ASTN2: variants seen among roughly 807,000 people sequenced by gnomAD.
ASTN2 encodes the protein astrotactin 2, also known as astrotactin-2.
Under a neutral mutation model 139.8 loss-of-function variants are expected in ASTN2, and 54 were observed. The observed-to-expected ratio is 0.39, with a 90% CI of 0.31 to 0.48. ASTN2 has a LOEUF of 0.48. Among genes scored for constraint, ASTN2 ranks in the 20% least tolerant of loss-of-function variants. The probability of loss-of-function intolerance (pLI) is 0.95; values close to 1 mark genes in which losing one functional copy is unlikely to be tolerated. For synonymous variants in ASTN2, 756 were observed against 719.5 expected (o/e 1.05, Z -0.81); for missense variants, 1,565 against 1,725.1 (o/e 0.91, Z 1.64).
Position 117,060,846 on chromosome 9 carries a change from G to C in ASTN2, c.1277-20881C>G, listed in dbSNP as rs574601908. Among the ~76,000 whole-genome samples the C allele has an allele frequency of 8.5e-5, 13 of 152,186 alleles. No homozygotes were observed. The South Asian group carries it at 2.7e-3, about 32-fold the overall frequency. ...GGAGGTGGAGCTTGCAGTGAGCCAA[G>C]ATTGTGCCACTGCACTCCAGACTGG... On this transcript the variant is annotated intron_variant, in intron 5 of 22. Transcript: ENST00000313400.
chr9:116,428,350 C>T lies in ASTN2; in HGVS notation c.3783-2262G>A, dbSNP rs1430207960. Among the ~76,000 whole-genome samples, 4 of 152,036 alleles carry T rather than the reference C, an allele frequency of 2.6e-5. 1 individual carries two copies. The highest frequency in any genetic ancestry group is 4.8e-5 in the African/African-American group (2 of 41,422). Reference sequence around the variant, plus strand: ...AGCAGCCTGGCCAACATACTGAAACCCTGTCTTTACTAAAAATACAAAATT... The same window carrying T: ...AGCAGCCTGGCCAACATACTGAAACTCTGTCTTTACTAAAAATACAAAATT... On this transcript the variant is annotated intron_variant, in intron 22 of 22. Coordinates refer to ENST00000313400, the MANE Select transcript of ASTN2 (RefSeq NM_001365068.1).
In ASTN2 at chr9:117,360,739, C is replaced by G. The variant is rs763691855; in HGVS notation, c.442+53758G>C. 8.8e-4 allele frequency among the ~76,000 whole-genome samples: 134 copies of G among 151,854 alleles called. No homozygotes were observed. In the Middle Eastern group the frequency reaches 0.014, roughly 15 times the overall value. ...AAGGCCTGGCTTTACTAGTGGCACT[C>G]TGTGTGACTATGGACAAGGACCTTC... On this transcript the variant is annotated intron_variant, in intron 1 of 22. Coordinates refer to ENST00000313400, the MANE Select transcript of ASTN2 (RefSeq NM_001365068.1).
At chr9:116,884,902 G>A (rs1312079151) in intron 10 of ASTN2, among the ~76,000 whole-genome samples, 2 of 144,496 alleles carry the variant, frequency 1.4e-5, no homozygotes, top group Non-Finnish European at 3.0e-5. Flanking sequence ...TGCAAGCTCC[G>A]CCTCCTGGGT....
chr9:116,575,759 T>C (rs964399064), intron 19 of ASTN2, among the ~76,000 whole-genome samples: 3 of 152,158 alleles, frequency 2.0e-5, no homozygotes, highest in Non-Finnish European at 4.4e-5. Flanking sequence ...ATATTGACTG[T>C]GTGCCTCTCC....
chr9:116,632,154 G>GAGAGAGAGAGAC (rs1856784381), intron 17 of ASTN2, among the ~76,000 whole-genome samples: 1 of 65,580 alleles, frequency 1.5e-5, no homozygotes, highest in Non-Finnish European at 2.8e-5. Flanking sequence ...GAGAGAGAGA[G>GAGAGAGAGAGAC]AGACAGAGAG....
At chr9:117,364,505 G>C (rs2130901291) in intron 1 of ASTN2, among the ~76,000 whole-genome samples, 1 of 152,256 alleles carries the variant, frequency 6.6e-6, no homozygotes, top group South Asian at 2.1e-4. Flanking sequence ...ATAAAAAGCA[G>C]GCATGATTTA....
At chr9:117,342,688 C>A (rs959555341) in intron 1 of ASTN2, among the ~76,000 whole-genome samples, 1 of 152,168 alleles carries the variant, frequency 6.6e-6, no homozygotes, top group East Asian at 1.9e-4. Flanking sequence ...CGCAATATTA[C>A]CATTTTCAAA....
chr9:116,901,958 G>C (rs1468300460), intron 10 of ASTN2, among the ~76,000 whole-genome samples: 1 of 152,212 alleles, frequency 6.6e-6, no homozygotes, highest in Non-Finnish European at 1.5e-5. Context: ...CCGGGAGGCA[G>C]AGGTTGCAGT....
rs79911819 is a variant in ASTN2 at position 117,408,909 on chromosome 9, G to A, written c.442+5588C>T. 3.0e-3 allele frequency among the ~76,000 whole-genome samples: 453 copies of A among 152,284 alleles called. 2 individuals carry two copies. The highest frequency in any genetic ancestry group is 8.6e-3 in the African/African-American group (359 of 41,562). On this transcript the variant is annotated intron_variant, in intron 1 of 22. Transcript: ENST00000313400. ...CGGCTTTGAGATGGAAAGAAGTGGG[G>A]TAGGGTATGGAGTGAGGGAAGTGAG...
At chr9:117,099,781 G>T (rs1382257049) in intron 4 of ASTN2, among the ~76,000 whole-genome samples, 1 of 152,092 alleles carries the variant, frequency 6.6e-6, no homozygotes, top group African/African-American at 2.4e-5. Flanking sequence ...TACAATGCTG[G>T]TTTATAATAA....
chr9:117,111,427 T>A (rs1829245696), intron 4 of ASTN2, among the ~76,000 whole-genome samples: 1 of 89,250 alleles, frequency 1.1e-5, no homozygotes, highest in Admixed American at 1.2e-4. Flanking sequence ...GAACTGAATA[T>A]GTATAAAATA....
At chr9:116,489,306 C>A (rs1240407230) in intron 19 of ASTN2, among the ~76,000 whole-genome samples, 1 of 151,940 alleles carries the variant, frequency 6.6e-6, no homozygotes, top group Admixed American at 6.6e-5. Context: ...AAGTTTCATT[C>A]TTTATTTTAT....
chr9:117,302,163 C>T (rs1363916395), intron 1 of ASTN2, among the ~76,000 whole-genome samples: 1 of 152,104 alleles, frequency 6.6e-6, no homozygotes, highest in East Asian at 1.9e-4. Context: ...AAACTTCCTA[C>T]TTTACTTGTA....
At chr9:117,329,882 T>C (rs1828645495) in intron 1 of ASTN2, among the ~76,000 whole-genome samples, 1 of 151,948 alleles carries the variant, frequency 6.6e-6, no homozygotes, top group Non-Finnish European at 1.5e-5. Context: ...CTCCTAGGAG[T>C]TGTGCTTGGC....
At chr9:117,258,146 T>C (rs1322377437) in intron 2 of ASTN2, among the ~76,000 whole-genome samples, 1 of 152,074 alleles carries the variant, frequency 6.6e-6, no homozygotes, top group Non-Finnish European at 1.5e-5. Context: ...TCTCATCCCA[T>C]CAAACGCATG....
chr9:117,013,383 T>TATAG (rs1177413247), intron 6 of ASTN2, among the ~76,000 whole-genome samples: 7 of 151,864 alleles, frequency 4.6e-5, no homozygotes, highest in African/African-American at 1.7e-4. Context: ...TCTACACTCA[T>TATAG]ATAGATCTCC....
At chr9:116,838,689 T>A (rs1419395113) in intron 11 of ASTN2, among the ~76,000 whole-genome samples, 1 of 149,346 alleles carries the variant, frequency 6.7e-6, no homozygotes, top group Non-Finnish European at 1.5e-5. Flanking sequence ...CCTCCCAAAG[T>A]GATAGGATTA....
chr9:116,773,863 G>A (rs1334406641), intron 13 of ASTN2, among the ~76,000 whole-genome samples: 1 of 152,052 alleles, frequency 6.6e-6, no homozygotes, highest in Non-Finnish European at 1.5e-5. Flanking sequence ...GCCTAGATTG[G>A]ACCACCCATG....
chr9:116,453,727 C>T (rs1848246927), intron 20 of ASTN2, among the ~76,000 whole-genome samples: 2 of 151,426 alleles, frequency 1.3e-5, no homozygotes, highest in African/African-American at 4.9e-5. Flanking sequence ...GGAAACAGTG[C>T]ATCTTTAAAA....
Sources: gnomAD v4.1 joint callset for allele counts (sites outside exome capture counted in the v4.1 genomes callset) on GRCh38, gnomAD v4.1.1 for gene constraint, MANE v1.5 for transcripts, NCBI Gene and HGNC (gene_info 2026-07-23, HGNC 2026-07-21) for gene names.